Variants in NEK11 observed in about 807,000 individuals in gnomAD.
The protein encoded by NEK11 is serine/threonine-protein kinase Nek11.
In NEK11, 72 loss-of-function variants were observed where a neutral mutation model predicts 80.7. That is an observed-to-expected ratio of 0.89 (90% confidence interval 0.74 to 1.08). NEK11 has a LOEUF of 1.08. Ranked by LOEUF, NEK11 falls within the 50% of genes least tolerant of loss-of-function variation. The probability of loss-of-function intolerance (pLI) is 0.00; values close to 1 mark genes in which losing one functional copy is unlikely to be tolerated. For missense variants in NEK11, 764 were observed against 763.6 expected, an observed-to-expected ratio of 1.00 and a Z score of -0.01; for synonymous variants, 251 against 260.7, an observed-to-expected ratio of 0.96 and a Z score of 0.36.
intron 17 of NEK11, 98 bp downstream of exon 17, chr3:131,273,672 T>C: frequency 2.3e-6 from 2 of 877,600 alleles, no homozygotes; most frequent in South Asian, 1.6e-5. Context: ...AGTCCATTTG[T>C]GCTGCCGTGA....
At chr3:131,067,792 C>T (rs115315030) in intron 3 of NEK11, among the ~76,000 whole-genome samples, 1 of 152,270 alleles carries the variant, frequency 6.6e-6, no homozygotes, top group African/African-American at 2.4e-5. Context: ...GGTCATTGGG[C>T]AGCTGTACTT....
chr3:131,169,002 G>A, intron 13 of NEK11, 65 bp downstream of exon 13: 1 of 1,278,652 alleles, frequency 7.8e-7, no homozygotes, highest in East Asian at 2.4e-5. Context: ...GAGAACAAAG[G>A]GGAAAGAAAA....
At chr3:131,270,252 C>A (rs988570273) in intron 16 of NEK11, among the ~76,000 whole-genome samples, 1 of 152,182 alleles carries the variant, frequency 6.6e-6, no homozygotes, top group East Asian at 1.9e-4. Flanking sequence ...AGGATTTCTG[C>A]GTTGTCATTT....
intron 11 of NEK11, among the ~76,000 whole-genome samples, chr3:131,163,829 A>G (rs1159853705): frequency 6.6e-6 from 1 of 152,234 alleles, no homozygotes; most frequent in Non-Finnish European, 1.5e-5. Context: ...CTGAAAAAAT[A>G]CATGTATAAA....
At chr3:131,287,885 C>T (rs939771686) in intron 17 of NEK11, among the ~76,000 whole-genome samples, 11 of 152,198 alleles carry the variant, frequency 7.2e-5, no homozygotes, top group African/African-American at 2.7e-4. Context: ...CACTTCATCC[C>T]AGGGGTATCC....
At chr3:131,036,727 C>T (rs1329201333) in intron 3 of NEK11, among the ~76,000 whole-genome samples, 1 of 152,090 alleles carries the variant, frequency 6.6e-6, no homozygotes, top group African/African-American at 2.4e-5. Flanking sequence ...TGCTTGGCTC[C>T]CCCCTACCCC....
At chr3:131,276,603 C>T (rs987576670) in intron 17 of NEK11, among the ~76,000 whole-genome samples, 1 of 151,902 alleles carries the variant, frequency 6.6e-6, no homozygotes, top group Non-Finnish European at 1.5e-5. Flanking sequence ...TTCTTTATAT[C>T]TATCTATATA....
intron 17 of NEK11, chr3:131,330,894 A>C (rs1336312259): frequency 7.0e-6 from 1 of 143,100 alleles, no homozygotes; most frequent in African/African-American, 2.6e-5. Context: ...CAGAAGTCGG[A>C]AGGGCAAGAG....
At chr3:131,197,189 G>C (rs1031493031) in intron 14 of NEK11, among the ~76,000 whole-genome samples, 6 of 152,156 alleles carry the variant, frequency 3.9e-5, no homozygotes, top group African/African-American at 1.4e-4. Flanking sequence ...AGCTAGTCCT[G>C]TCTCTGAGTA....
intron 17 of NEK11, among the ~76,000 whole-genome samples, chr3:131,283,403 T>C (rs1022920635): frequency 2.0e-5 from 3 of 152,184 alleles, no homozygotes; most frequent in African/African-American, 7.2e-5. Context: ...AGCTGGCTTC[T>C]AGGGTTGGTC....
At chr3:131,291,466 A>G (rs975629350) in intron 17 of NEK11, among the ~76,000 whole-genome samples, 1 of 152,206 alleles carries the variant, frequency 6.6e-6, no homozygotes, top group African/African-American at 2.4e-5. Context: ...ACAGAATCAT[A>G]TGGTAAAAAT....
intron 7 of NEK11, chr3:131,134,215 G>A (rs1347836808): frequency 1.6e-5 from 5 of 309,206 alleles, no homozygotes; most frequent in East Asian, 5.5e-5. Context: ...AGTTCTTAAT[G>A]TACCATAAGC....
chr3:131,316,894 C>T (rs944317992), intron 17 of NEK11, among the ~76,000 whole-genome samples: 4 of 152,060 alleles, frequency 2.6e-5, no homozygotes, highest in Admixed American at 6.6e-5. Context: ...GCACCTGGTT[C>T]CAAAGCATAT....
chr3:131,070,053 A>G (rs2072984019), intron 3 of NEK11, among the ~76,000 whole-genome samples: 1 of 152,232 alleles, frequency 6.6e-6, no homozygotes, highest in Non-Finnish European at 1.5e-5. Flanking sequence ...CACTAATTTT[A>G]AATTTGGAGC....
chr3:131,332,066 C>T (rs1187705788), intron 17 of NEK11, among the ~76,000 whole-genome samples: 4 of 152,214 alleles, frequency 2.6e-5, no homozygotes. Flanking sequence ...ACAGCAGTAA[C>T]CTCTGCAGAA....
At chr3:131,101,245 A>T (rs2078318418) in intron 4 of NEK11, among the ~76,000 whole-genome samples, 1 of 151,856 alleles carries the variant, frequency 6.6e-6, no homozygotes, top group Non-Finnish European at 1.5e-5. Flanking sequence ...TTCTTCTCTA[A>T]TTTCAGTTAT....
intron 14 of NEK11, among the ~76,000 whole-genome samples, chr3:131,221,081 A>G (rs557050503): frequency 6.6e-6 from 1 of 152,256 alleles, no homozygotes; most frequent in African/African-American, 2.4e-5. Context: ...AATTCTTTGT[A>G]TATGATATTA....
chr3:131,289,818 G>A (rs370351548), intron 17 of NEK11, among the ~76,000 whole-genome samples: 1 of 152,138 alleles, frequency 6.6e-6, no homozygotes, highest in Non-Finnish European at 1.5e-5. Flanking sequence ...ATCACCCAGA[G>A]GTTCTTGATA....
intron 5 of NEK11, among the ~76,000 whole-genome samples, chr3:131,120,117 T>C (rs544907075): frequency 4.6e-5 from 7 of 152,334 alleles, no homozygotes; most frequent in African/African-American, 1.4e-4. Context: ...TGGCTGGTAC[T>C]GGTTGTTCCT....
Sources: allele counts gnomAD v4.1 joint callset (sites outside exome capture counted in the v4.1 genomes callset), GRCh38; gene constraint gnomAD v4.1.1; transcripts MANE v1.5; gene names NCBI Gene and HGNC (gene_info 2026-07-23, HGNC 2026-07-21).